The following HHAT variants were observed in gnomAD, a reference collection of about 807,000 sequenced individuals.
HHAT encodes protein-cysteine N-palmitoyltransferase HHAT.
A neutral mutation model predicts 70.8 loss-of-function variants in HHAT; 47 were observed. The ratio of observed to expected loss-of-function variants is 0.66; its 90% CI spans 0.53 to 0.85. HHAT has a LOEUF of 0.85. HHAT is among the 40% of genes least tolerant of loss of function. The pLI, the probability that HHAT is intolerant of heterozygous loss-of-function variation, is 0.00. For missense variants in HHAT, 609 were observed against 604.8 expected, an observed-to-expected ratio of 1.01 and a Z score of -0.07; for synonymous variants, 228 against 247.6, an observed-to-expected ratio of 0.92 and a Z score of 0.74.
intron 9 of HHAT, among the ~76,000 whole-genome samples, chr1:210,525,509 G>C (rs991477242): frequency 6.6e-6 from 1 of 152,122 alleles, no homozygotes; most frequent in African/African-American, 2.4e-5. Flanking sequence ...ATTTTTAGAA[G>C]ATTTCTCAGA....
intron 10 of HHAT, among the ~76,000 whole-genome samples, chr1:210,616,263 G>A (rs1313216264): frequency 6.6e-6 from 1 of 152,152 alleles, no homozygotes; most frequent in Non-Finnish European, 1.5e-5. Context: ...TCACTGTGTT[G>A]TACAATAGAT....
chr1:210,609,448 A>G (rs1339243942), intron 10 of HHAT, among the ~76,000 whole-genome samples: 1 of 152,114 alleles, frequency 6.6e-6, no homozygotes, highest in Non-Finnish European at 1.5e-5. Flanking sequence ...AATTGTTGAT[A>G]TTCATTATTT....
chr1:210,418,147 A>G lies in HHAT; in HGVS notation c.685-7A>G. 1 of 1,614,010 alleles carries G rather than the reference A, an allele frequency of 6.2e-7. No homozygotes were observed. Among genetic ancestry groups the G allele is most frequent in the Non-Finnish European group, 8.5e-7 (1 of 1,179,956 alleles). ...CCATCGAATGACCTCTTTTGTTTCC[A>G]CTTTAGATGCAGCAGCAGGAGCATG... On this transcript the variant is annotated splice_region_variant and splice_polypyrimidine_tract_variant and intron_variant, in intron 6 of 11. Coordinates refer to ENST00000261458, the MANE Select transcript of HHAT (RefSeq NM_018194.6).
At chr1:210,473,282 A>C (rs988571197) in intron 8 of HHAT, among the ~76,000 whole-genome samples, 1 of 152,152 alleles carries the variant, frequency 6.6e-6, no homozygotes, top group African/African-American at 2.4e-5. Context: ...GTTTTGTCTT[A>C]AGATCTCTGT....
intron 9 of HHAT, among the ~76,000 whole-genome samples, chr1:210,585,235 T>C (rs748784837): frequency 6.6e-6 from 1 of 152,186 alleles, no homozygotes; most frequent in Non-Finnish European, 1.5e-5. Flanking sequence ...CTCAGTTTCC[T>C]CACCCATAAA....
At chr1:210,498,190 C>G (rs942462803) in intron 8 of HHAT, among the ~76,000 whole-genome samples, 2 of 152,132 alleles carry the variant, frequency 1.3e-5, no homozygotes, top group African/African-American at 2.4e-5. Flanking sequence ...ATTTTTTATT[C>G]TCTTGCATGG....
At chr1:210,647,041 TAG>T (rs1674198083) in intron 11 of HHAT, among the ~76,000 whole-genome samples, 2 of 152,214 alleles carry the variant, frequency 1.3e-5, no homozygotes, top group African/African-American at 2.4e-5. Context: ...GACCACAAAC[TAG>T]AGAGTTTAGG....
intron 6 of HHAT, among the ~76,000 whole-genome samples, chr1:210,412,885 C>T (rs939834917): frequency 1.3e-5 from 2 of 152,204 alleles, no homozygotes; most frequent in African/African-American, 4.8e-5. Context: ...GCAGCCACAC[C>T]CCCTCACAGC....
At chr1:210,372,506 TCTC>T (rs1203604826) in intron 3 of HHAT, among the ~76,000 whole-genome samples, 1 of 152,154 alleles carries the variant, frequency 6.6e-6, no homozygotes, top group Non-Finnish European at 1.5e-5. Flanking sequence ...CTAACTGAAT[TCTC>T]CTACAAGTAC....
chr1:210,479,000 T>C (rs2094349455), intron 8 of HHAT, among the ~76,000 whole-genome samples: 1 of 146,018 alleles, frequency 6.8e-6, no homozygotes, highest in Non-Finnish European at 1.5e-5. Context: ...ATCTCTTGGC[T>C]GTTGTACTCT....
chr1:210,410,012 G>A (rs1224466088), intron 6 of HHAT, among the ~76,000 whole-genome samples: 9 of 151,800 alleles, frequency 5.9e-5, no homozygotes, highest in Admixed American at 5.9e-4. Flanking sequence ...AGCTATATAT[G>A]GTCTGTCTGT....
chr1:210,534,389 A>G (rs10779535), intron 9 of HHAT, among the ~76,000 whole-genome samples: 38,307 of 151,934 alleles, frequency 0.25, 5,082 homozygotes, highest in Middle Eastern at 0.34. Context: ...ATTTTTTTCC[A>G]TAGGGTTTTG....
intron 9 of HHAT, among the ~76,000 whole-genome samples, chr1:210,549,815 C>G (rs770100607): frequency 2.0e-5 from 3 of 148,734 alleles, no homozygotes; most frequent in Non-Finnish European, 4.4e-5. Context: ...GGCAACATAG[C>G]AAGAACCCAT....
chr1:210,651,053 A>G (rs1395029175), intron 11 of HHAT, among the ~76,000 whole-genome samples: 1 of 152,224 alleles, frequency 6.6e-6, no homozygotes, highest in Non-Finnish European at 1.5e-5. Flanking sequence ...CCAGCTCAGA[A>G]TGGAGCCTGG....
chr1:210,370,630 T>TTTC (rs1388904537), intron 3 of HHAT, among the ~76,000 whole-genome samples: 1 of 145,084 alleles, frequency 6.9e-6, no homozygotes, highest in Non-Finnish European at 1.5e-5. Flanking sequence ...TTTTTTTTTT[T>TTTC]TGGAGACGGA....
At chr1:210,515,282 C>T (rs1000419792) in intron 9 of HHAT, among the ~76,000 whole-genome samples, 9 of 152,124 alleles carry the variant, frequency 5.9e-5, no homozygotes, top group East Asian at 1.9e-4. Context: ...CATGACAGTG[C>T]GCCCCAACAA....
intron 9 of HHAT, among the ~76,000 whole-genome samples, chr1:210,557,339 A>C (rs1288111721): frequency 6.6e-6 from 1 of 152,226 alleles, no homozygotes; most frequent in East Asian, 1.9e-4. Context: ...AAGATAAGCC[A>C]ATCCCCTCCA....
At chr1:210,510,073 A>AT (rs2094928600) in intron 8 of HHAT, among the ~76,000 whole-genome samples, 1 of 152,254 alleles carries the variant, frequency 6.6e-6, no homozygotes. Flanking sequence ...TAAGAAAGAC[A>AT]TATTTTGCCT....
intron 8 of HHAT, among the ~76,000 whole-genome samples, chr1:210,488,673 G>A (rs151131075): frequency 1.1e-3 from 169 of 151,906 alleles, no homozygotes; most frequent in African/African-American, 3.5e-3. Flanking sequence ...TGGGAGGATC[G>A]CTTGAGCCCG....
Sources: allele counts gnomAD v4.1 joint callset (sites outside exome capture counted in the v4.1 genomes callset), GRCh38; gene constraint gnomAD v4.1.1; transcripts MANE v1.5; gene names NCBI Gene and HGNC (gene_info 2026-07-23, HGNC 2026-07-21).